ATXN7: variants seen among roughly 807,000 people sequenced by gnomAD.
ATXN7 encodes ataxin-7.
In ATXN7, 12 loss-of-function variants were observed where a neutral mutation model predicts 70.5. The observed-to-expected ratio is 0.17, with a 90% CI of 0.11 to 0.28. ATXN7 has a LOEUF of 0.28. Among genes scored for constraint, ATXN7 ranks in the 10% least tolerant of loss-of-function variants. ATXN7 has a pLI of 1.00. For synonymous variants in ATXN7, 498 were observed against 448.7 expected, an observed-to-expected ratio of 1.11 and a Z score of -1.39; for missense variants, 1,256 against 1,131.7, an observed-to-expected ratio of 1.11 and a Z score of -1.58.
At chr3:63,910,980 C>A (rs1280871454) in intron 2 of ATXN7, among the ~76,000 whole-genome samples, 2 of 151,682 alleles carry the variant, frequency 1.3e-5, no homozygotes, top group African/African-American at 4.8e-5. Flanking sequence ...TGTGTTTCTG[C>A]AAGTTGGACC....
chr3:63,990,995 T>A, intron 11 of ATXN7, 136 bp downstream of exon 11: 1 of 1,285,466 alleles, frequency 7.8e-7, no homozygotes, highest in Non-Finnish European at 1.1e-6. Context: ...AGAAGGTGCC[T>A]TGTCATTCAT....
intron 4 of ATXN7, among the ~76,000 whole-genome samples, chr3:63,947,726 A>G (rs1399355619): frequency 6.6e-6 from 1 of 152,182 alleles, no homozygotes; most frequent in African/African-American, 2.4e-5. Context: ...GATAGTAACT[A>G]ACTGGGGAGG....
chr3:63,912,543 C>T (rs1704070979), intron 2 of ATXN7, 45 bp from the exon 3 acceptor site: 2 of 1,084,470 alleles, frequency 1.8e-6, no homozygotes, highest in Non-Finnish European at 2.3e-6. Flanking sequence ...CCTTAAAAAA[C>T]GGCCCCCGCG....
Position 63,990,514 on chromosome 3 carries a change from C to T in ATXN7, c.1560+140C>T, listed in dbSNP as rs2075652959. The T allele has an allele frequency of 2.7e-5, 33 of 1,214,624 alleles. No individual in the cohort carries two copies. The South Asian group carries it at 3.7e-4, about 13-fold the overall frequency. The allele number at this position is 1,214,624 out of a possible 1,614,324, so 75.2% of individuals were successfully genotyped here. A position where few individuals can be genotyped will look rare whatever the true frequency, so the allele number is the denominator to read the frequency against. On this transcript the variant is annotated intron_variant, in intron 10 of 12. Coordinates refer to ENST00000674280, the MANE Select transcript of ATXN7 (RefSeq NM_001377405.1). ...GTGAGAGAAGTTCAAAACAGGGTGC[C>T]CCAGAGGCAGCACACACTCTGTACG...
At chr3:63,887,842 G>A (rs190550565) in intron 1 of ATXN7, among the ~76,000 whole-genome samples, 1 of 150,460 alleles carries the variant, frequency 6.6e-6, no homozygotes, top group Admixed American at 6.6e-5. Flanking sequence ...CGAAGTGCTG[G>A]GATTACAGAT....
chr3:63,864,423 G>C (rs1702339595), intron 1 of ATXN7: 1 of 152,106 alleles, frequency 6.6e-6, no homozygotes, highest in African/African-American at 2.4e-5. Flanking sequence ...TGGCGCCCAC[G>C]CGCGCTGGGG....
At chr3:63,990,064 G>C (rs544457106) in intron 9 of ATXN7, 112 bp from the exon 10 acceptor site, 1 of 995,316 alleles carries the variant, frequency 1.0e-6, no homozygotes, top group Non-Finnish European at 1.5e-6. Flanking sequence ...CAGTGCTAGA[G>C]GTGGAACCCA....
intron 5 of ATXN7, among the ~76,000 whole-genome samples, chr3:63,963,813 C>T (rs1462860982): frequency 2.0e-5 from 3 of 152,154 alleles, no homozygotes; most frequent in South Asian, 2.1e-4. Context: ...CAGCAGTACC[C>T]ACTCTGGTAC....
At chr3:63,919,860 A>C (rs568434894) in intron 4 of ATXN7, among the ~76,000 whole-genome samples, 57 of 149,830 alleles carry the variant, frequency 3.8e-4, no homozygotes, top group Admixed American at 8.1e-4. Flanking sequence ...CCCAGCTTCC[A>C]AGAGCCATGG....
chr3:63,877,842 A>G (rs934054064), intron 1 of ATXN7, among the ~76,000 whole-genome samples: 2 of 152,226 alleles, frequency 1.3e-5, no homozygotes, highest in African/African-American at 4.8e-5. Flanking sequence ...TTCAATTAAC[A>G]TCTAACCTCA....
Position 63,950,751 on chromosome 3 carries a change from G to T in ATXN7, c.395-1628G>T, listed in dbSNP as rs558464269. On this transcript the variant is annotated intron_variant, in intron 4 of 12. Transcript: ENST00000674280. ...ATGTACTATATTTAACTCAATGTGG[G>T]CAGGCTTTCAGGGAAAATAGCATAT... 1.1e-3 allele frequency among the ~76,000 whole-genome samples: 161 copies of T among 152,210 alleles called. 1 individual carries two copies. The highest frequency in any genetic ancestry group is 3.8e-3 in the African/African-American group (158 of 41,530).
At chr3:63,912,239 T>C (rs6785040) in intron 2 of ATXN7, 30,436 of 151,646 alleles carry the variant, frequency 0.2, 3,393 homozygotes, top group East Asian at 0.39. Context: ...GCTGCCATGG[T>C]GGGGCGCGGG....
chr3:63,984,210 TA>T (rs530652733), intron 8 of ATXN7, among the ~76,000 whole-genome samples: 24 of 144,960 alleles, frequency 1.7e-4, no homozygotes, highest in Admixed American at 2.1e-4. Flanking sequence ...ATCTCATTTT[TA>T]AAAAAAAAAA....
intron 1 of ATXN7, among the ~76,000 whole-genome samples, chr3:63,866,293 G>C (rs1035958964): frequency 6.6e-6 from 1 of 152,096 alleles, no homozygotes; most frequent in Non-Finnish European, 1.5e-5. Context: ...TGTTGCCTAG[G>C]CTGGAGTGCA....
At chr3:63,987,870 G>A (rs899855873) in intron 8 of ATXN7, among the ~76,000 whole-genome samples, 189 bp from the exon 9 acceptor site, 4 of 152,048 alleles carry the variant, frequency 2.6e-5, no homozygotes, top group Admixed American at 6.5e-5. Context: ...AGCCTAGAAC[G>A]TATGCTTCTA....
intron 2 of ATXN7, among the ~76,000 whole-genome samples, chr3:63,903,055 T>TATCATC (rs770295546): frequency 1.1e-4 from 16 of 151,418 alleles, no homozygotes; most frequent in East Asian, 3.9e-4. Context: ...TGCATAGACT[T>TATCATC]ATCATCATCA....
intron 4 of ATXN7, among the ~76,000 whole-genome samples, chr3:63,944,057 C>G (rs1575931002): frequency 6.6e-6 from 1 of 152,148 alleles, no homozygotes; most frequent in East Asian, 1.9e-4. Flanking sequence ...CTTGCATGGC[C>G]TTCAGGGAGG....
At chr3:63,967,330 G>A (rs2075242814) in intron 5 of ATXN7, among the ~76,000 whole-genome samples, 1 of 152,038 alleles carries the variant, frequency 6.6e-6, no homozygotes, top group African/African-American at 2.4e-5. Context: ...ACAGAAAGTG[G>A]GTTCAGATAT....
At chr3:63,864,818 A>G (rs1021914590) in intron 1 of ATXN7, 3 of 152,286 alleles carry the variant, frequency 2.0e-5, no homozygotes, top group Non-Finnish European at 1.5e-5. Flanking sequence ...TTTGGAGCAC[A>G]CTGCAAATTA....
Sources: gnomAD v4.1 joint callset for allele counts (sites outside exome capture counted in the v4.1 genomes callset) on GRCh38, gnomAD v4.1.1 for gene constraint, MANE v1.5 for transcripts, NCBI Gene and HGNC (gene_info 2026-07-23, HGNC 2026-07-21) for gene names.